Variants in NDUFAF6 observed in about 807,000 individuals in gnomAD.
NDUFAF6 encodes the protein NADH dehydrogenase (ubiquinone) complex I, assembly factor 6.
NDUFAF6 carries 45 observed loss-of-function variants against 40.8 expected under a neutral mutation model. The ratio of observed to expected loss-of-function variants is 1.10; its 90% CI spans 0.87 to 1.42. The LOEUF is 1.42. NDUFAF6 is among the 40% of genes most tolerant of loss of function. The probability of loss-of-function intolerance (pLI) is 0.00; values close to 1 mark genes in which losing one functional copy is unlikely to be tolerated. For synonymous variants in NDUFAF6, 185 were observed against 155.9 expected, an observed-to-expected ratio of 1.19 and a Z score of -1.39; for missense variants, 435 against 418.5, an observed-to-expected ratio of 1.04 and a Z score of -0.34.
intron 1 of NDUFAF6, among the ~76,000 whole-genome samples, chr8:94,905,589 C>T (rs950020576): frequency 6.6e-6 from 1 of 152,186 alleles, no homozygotes; most frequent in African/African-American, 2.4e-5. Context: ...GATTCGGAGG[C>T]ATCCTGCCCC....
intron 1 of NDUFAF6, among the ~76,000 whole-genome samples, chr8:94,945,327 AAC>A (rs1044171895): frequency 3.3e-5 from 5 of 152,352 alleles, no homozygotes; most frequent in East Asian, 1.9e-4. Flanking sequence ...CAAAATGCAA[AAC>A]AGTTTTTATA....
intron 2 of NDUFAF6, 63 bp from the exon 3 acceptor site, chr8:95,035,391 A>G (rs574184527): frequency 3.2e-6 from 5 of 1,578,678 alleles, no homozygotes; most frequent in South Asian, 1.1e-5. Flanking sequence ...AATTCCCTCA[A>G]AGATACTGAT....
chr8:94,929,034 G>A (rs376762942), intron 1 of NDUFAF6: 23 of 152,534 alleles, frequency 1.5e-4, no homozygotes, highest in Non-Finnish European at 1.3e-4. Flanking sequence ...TCACAACTGC[G>A]GAAAAAGGAA....
At chr8:94,994,651 CAGTG>C (rs1440425954) in intron 2 of NDUFAF6, among the ~76,000 whole-genome samples, 1 of 151,908 alleles carries the variant, frequency 6.6e-6, no homozygotes, top group African/African-American at 2.4e-5. Context: ...CTGGACAACA[CAGTG>C]AGACCCTGTC....
At chr8:95,030,577 GT>G (rs1828711123) in intron 1 of NDUFAF6, among the ~76,000 whole-genome samples, 2 of 152,244 alleles carry the variant, frequency 1.3e-5, no homozygotes, top group South Asian at 4.1e-4. Context: ...GACTTGGCCA[GT>G]GAGAACTCTG....
upstream of NDUFAF6, among the ~76,000 whole-genome samples, chr8:94,955,274 A>G (rs918659451): frequency 6.6e-6 from 1 of 152,248 alleles, no homozygotes; most frequent in African/African-American, 2.4e-5. Flanking sequence ...TATTTCTTAC[A>G]GTTGTGGAGT....
At chr8:95,003,841 T>A (rs1473144757) in intron 2 of NDUFAF6, among the ~76,000 whole-genome samples, 1 of 152,238 alleles carries the variant, frequency 6.6e-6, no homozygotes, top group African/African-American at 2.4e-5. Context: ...ATTTTAAGTG[T>A]GCAATTCACT....
intron 1 of NDUFAF6, among the ~76,000 whole-genome samples, chr8:94,960,346 T>C (rs1823465236): frequency 6.6e-6 from 1 of 152,226 alleles, no homozygotes; most frequent in African/African-American, 2.4e-5. Context: ...ATTTTCATCA[T>C]GGCAATTTCC....
intron 2 of NDUFAF6, among the ~76,000 whole-genome samples, chr8:95,009,108 G>A (rs1827124598): frequency 6.6e-6 from 1 of 151,906 alleles, no homozygotes; most frequent in South Asian, 2.1e-4. Flanking sequence ...GCTAAGGTGG[G>A]AGGATTGCTT....
chr8:94,994,079 A>G (rs564949422), intron 2 of NDUFAF6, among the ~76,000 whole-genome samples: 1 of 152,256 alleles, frequency 6.6e-6, no homozygotes, highest in Non-Finnish European at 1.5e-5. Context: ...GATTCTATTC[A>G]AATACTCACT....
At chr8:94,984,543 T>G (rs1365380243) in intron 2 of NDUFAF6, among the ~76,000 whole-genome samples, 1 of 152,220 alleles carries the variant, frequency 6.6e-6, no homozygotes, top group Non-Finnish European at 1.5e-5. Context: ...CTTCTGAAAC[T>G]CAGAGGGCAA....
At chr8:94,957,746 C>G (rs1016386111), upstream of NDUFAF6, among the ~76,000 whole-genome samples, 1 of 152,186 alleles carries the variant, frequency 6.6e-6, no homozygotes, top group Non-Finnish European at 1.5e-5. Flanking sequence ...CAGAAATTCA[C>G]TCATTATTCA....
chr8:95,083,326 T>C (rs1808938556), intron 2 of NDUFAF6, among the ~76,000 whole-genome samples: 1 of 152,206 alleles, frequency 6.6e-6, no homozygotes, highest in Non-Finnish European at 1.5e-5. Context: ...TGCTATTCTG[T>C]AGCATTTATC....
At position 95,045,599 on chromosome 8, in the gene NDUFAF6, G is replaced by A. The variant is rs201088736; in HGVS notation, c.532G>A (p.Ala178Thr). ...TAATATCAAGGAACTGGAAAATTAT[G>A]CTGAAAACACACAGAGCTCTCTTCT... ...YRNIKELENY[A>T]ENTQSSLLYL... The change falls in exon 5 of 9, where the codon GCT becomes ACT. Residue 178 changes from alanine to threonine, a missense_variant. Physicochemically the swap from Ala to Thr is moderately conservative, Grantham distance 58. Coordinates refer to ENST00000396124, the MANE Select transcript of NDUFAF6 (RefSeq NM_152416.4). 1 of 1,613,532 alleles carries A rather than the reference G, an allele frequency of 6.2e-7. No homozygotes were observed. Among genetic ancestry groups the A allele is most frequent in the East Asian group, 2.2e-5 (1 of 44,724 alleles).
rs1809071167 is a variant in NDUFAF6 at position 95,087,031 on chromosome 8, T to A, written n.213+11279T>A. On this transcript the variant is annotated intron_variant and non_coding_transcript_variant, in intron 2 of 5. Transcript: ENST00000523184. The stretch of plus-strand genomic sequence containing the variant: ...TCCACTGGGTGCACCATTAGCAGTT[T>A]GTGGGAGTTACCTGGGACCAAATAC... Among the ~76,000 whole-genome samples, 4 of 151,930 alleles carry A rather than the reference T, an allele frequency of 2.6e-5. No individual in the cohort carries two copies. In the South Asian group the frequency reaches 8.3e-4, roughly 32 times the overall value.
At chr8:94,961,464 C>G (rs1823564868) in intron 1 of NDUFAF6, among the ~76,000 whole-genome samples, 1 of 152,224 alleles carries the variant, frequency 6.6e-6, no homozygotes, top group South Asian at 2.1e-4. Flanking sequence ...CTCTGTCGCC[C>G]AGGCTGGAGT....
Position 95,093,452 on chromosome 8 carries a change from G to C in NDUFAF6, n.214-7680G>C, listed in dbSNP as rs192292881. Among the ~76,000 whole-genome samples, 784 of 152,268 alleles carry C rather than the reference G, an allele frequency of 5.1e-3. 6 individuals are homozygous for C. The highest frequency in any genetic ancestry group is 0.018 in the African/African-American group (743 of 41,550). On this transcript the variant is annotated intron_variant and non_coding_transcript_variant, in intron 2 of 5. Transcript: ENST00000523184. ...TGCTTATGTGAGCTCTAGAGTATCTGATGCCAAGACTCCATAAAATTGCAT... is the reference window on the plus strand; with the variant it reads ...TGCTTATGTGAGCTCTAGAGTATCTCATGCCAAGACTCCATAAAATTGCAT...
At chr8:95,046,955 T>TTAG in intron 5 of NDUFAF6, 39 bp from the exon 6 acceptor site, 1 of 1,613,156 alleles carries the variant, frequency 6.2e-7, no homozygotes, top group African/African-American at 1.3e-5. Context: ...TATTATGCAC[T>TTAG]TAGAATAGAG....
At chr8:94,926,588 CAG>C (rs1819921093) in intron 1 of NDUFAF6, 2 of 152,124 alleles carry the variant, frequency 1.3e-5, no homozygotes, top group African/African-American at 4.8e-5. Context: ...TCAGGCAAAA[CAG>C]AGCAAAACTG....
Sources: gnomAD v4.1 joint callset for allele counts (sites outside exome capture counted in the v4.1 genomes callset) on GRCh38, gnomAD v4.1.1 for gene constraint, MANE v1.5 for transcripts, NCBI Gene and HGNC (gene_info 2026-07-23, HGNC 2026-07-21) for gene names.